The following SLC1A2 variants were observed in gnomAD, a reference collection of about 807,000 sequenced individuals.
SLC1A2 encodes the protein excitatory amino acid transporter 2.
In SLC1A2, 15 loss-of-function variants were observed where a neutral mutation model predicts 48.8. That is an observed-to-expected ratio of 0.31 (90% CI 0.21 to 0.47). The LOEUF (loss-of-function observed/expected upper bound fraction) is 0.47. Ranked by LOEUF, SLC1A2 falls within the 20% of genes least tolerant of loss-of-function variation. SLC1A2 has a pLI of 0.99. For synonymous variants in SLC1A2, 279 were observed against 272.6 expected (o/e 1.02, Z -0.23); for missense variants, 502 against 730.5 (o/e 0.69, Z 3.61).
intron 1 of SLC1A2, among the ~76,000 whole-genome samples, chr11:35,338,291 G>T: frequency 6.6e-6 from 1 of 152,052 alleles, no homozygotes. Context: ...CCTTCTTTTA[G>T]ACCCTACATA....
chr11:35,397,309 TG>T (rs1479906085), intron 1 of SLC1A2, among the ~76,000 whole-genome samples: 2 of 145,416 alleles, frequency 1.4e-5, no homozygotes, highest in Admixed American at 1.4e-4. Flanking sequence ...CAAAACAGCA[TG>T]GTACTGGTAC....
intron 1 of SLC1A2, among the ~76,000 whole-genome samples, chr11:35,401,842 G>A (rs1247627712): frequency 6.6e-6 from 1 of 152,114 alleles, no homozygotes; most frequent in Non-Finnish European, 1.5e-5. Context: ...TAGACCCTCA[G>A]TGTTAAAGGA....
At chr11:35,353,875 G>C (rs1037715518) in intron 1 of SLC1A2, among the ~76,000 whole-genome samples, 3 of 152,200 alleles carry the variant, frequency 2.0e-5, no homozygotes, top group South Asian at 2.1e-4. Flanking sequence ...TTGAAAGGAT[G>C]TTAAGTGAAT....
In SLC1A2 at chr11:35,415,258, T is replaced by C. The variant is rs562849980; in HGVS notation, c.17+3692A>G. On this transcript the variant is annotated intron_variant, in intron 1 of 10. Transcript: ENST00000278379. ...GAGGAAAAGAAGTGGCCATTGATAC[T>C]GATGAACAGATTTGTCTTTTGGTTT... is the stretch of plus-strand genomic sequence containing the variant. 5.8e-4 allele frequency among the ~76,000 whole-genome samples: 88 copies of C among 152,368 alleles called. 1 individual carries two copies. The highest frequency in any genetic ancestry group is 5.3e-3 in the Admixed American group (81 of 15,310).
intron 1 of SLC1A2, among the ~76,000 whole-genome samples, chr11:35,326,094 G>A (rs1852240576): frequency 6.6e-6 from 1 of 152,118 alleles, no homozygotes; most frequent in South Asian, 2.1e-4. Context: ...CCTGACCAAG[G>A]ATGGTGGCCT....
chr11:35,285,307 A>G (rs1030371119), intron 8 of SLC1A2: 2 of 152,228 alleles, frequency 1.3e-5, no homozygotes, highest in African/African-American at 4.8e-5. Context: ...CCTCTGTAAA[A>G]TGGGAATAAT....
intron 1 of SLC1A2, among the ~76,000 whole-genome samples, chr11:35,407,119 T>C (rs1855322331): frequency 6.6e-6 from 1 of 151,202 alleles, no homozygotes; most frequent in Non-Finnish European, 1.5e-5. Flanking sequence ...ACTACTAAAA[T>C]ACATCCAACT....
Position 35,393,391 on chromosome 11 carries a change from G to T in SLC1A2, c.17+25559C>A, listed in dbSNP as rs576050123. On this transcript the variant is annotated intron_variant, in intron 1 of 10. Coordinates refer to ENST00000278379, the MANE Select transcript of SLC1A2 (RefSeq NM_004171.4). ...GGAGACTCTCCTGATTTCTAAAGCT[G>T]CCACTTTGAAGACACAGGCCAGCCC... 3.3e-5 allele frequency among the ~76,000 whole-genome samples: 5 copies of T among 152,272 alleles called. No individual in the cohort carries two copies. The South Asian group carries it at 1.0e-3, about 32-fold the overall frequency.
chr11:35,397,800 C>T (rs895124096), intron 1 of SLC1A2, among the ~76,000 whole-genome samples: 4 of 152,154 alleles, frequency 2.6e-5, no homozygotes, highest in Non-Finnish European at 5.9e-5. Context: ...GAAGTGGGCA[C>T]TCACTAGACA....
intron 1 of SLC1A2, chr11:35,380,440 T>C: frequency 2.5e-6 from 1 of 398,626 alleles, no homozygotes; most frequent in Non-Finnish European, 4.4e-6. Flanking sequence ...TTATTCTAGG[T>C]GATCTCTTGT....
intron 6 of SLC1A2, among the ~76,000 whole-genome samples, chr11:35,300,155 A>G (rs577586507): frequency 6.6e-6 from 1 of 152,348 alleles, no homozygotes; most frequent in African/African-American, 2.4e-5. Flanking sequence ...TAAAGGGGAA[A>G]CAATATTGCT....
chr11:35,306,197 C>G lies in SLC1A2; in HGVS notation c.607G>C (p.Glu203Gln). The G allele has an allele frequency of 6.2e-7, 1 of 1,613,900 alleles. No homozygotes were observed. Among genetic ancestry groups the G allele is most frequent in the Non-Finnish European group, 8.5e-7 (1 of 1,179,914 alleles). The change falls in exon 5 of 11, where the codon GAG becomes CAG. Residue 203 changes from glutamate (E) to glutamine (Q), a missense_variant. Physicochemically the swap from Glu to Gln is conservative, Grantham distance 29. This residue lies in a region of SLC1A2 where 309 missense variants were observed against 480.3 expected (regional missense o/e 0.64). Coordinates refer to ENST00000278379, the MANE Select transcript of SLC1A2 (RefSeq NM_004171.4). ...ACAGCGCTGGTTGCGTTGGCCTCCTCGTCCGGCGGTGGTGCAACCAGGACT... is the reference window on the plus strand; with the variant it reads ...ACAGCGCTGGTTGCGTTGGCCTCCTGGTCCGGCGGTGGTGCAACCAGGACT... ...KKVLVAPPPD[E>Q]EANATSAVVS...
rs535297731 is a variant in SLC1A2, at chr11:35,256,529, C to T, written c.*4365G>A. On this transcript the variant is annotated 3_prime_UTR_variant, in exon 11 of 11. Transcript: ENST00000278379. The stretch of plus-strand genomic sequence containing the variant: ...CACTCAGTGATCCCTCTAGGCTTAA[C>T]CAGAAATTACTACAGATACTGAGAC... The T allele has an allele frequency of 6.6e-6, 1 of 152,646 alleles. No individual in the cohort carries two copies. The highest frequency in any genetic ancestry group is 2.1e-4 in the South Asian group (1 of 4,812). 9.5% of individuals were successfully genotyped at this position (152,646 alleles called of 1,614,324 possible).
intron 9 of SLC1A2, among the ~76,000 whole-genome samples, chr11:35,275,441 A>G (rs1850412958): frequency 7.4e-6 from 1 of 135,024 alleles, no homozygotes; most frequent in African/African-American, 2.5e-5. Flanking sequence ...CTGGGGTGTC[A>G]GCAAGGTCTC....
chr11:35,361,061 A>G (rs567777062), intron 1 of SLC1A2, among the ~76,000 whole-genome samples: 20 of 152,056 alleles, frequency 1.3e-4, no homozygotes, highest in Non-Finnish European at 2.5e-4. Context: ...TGTTTAGTAG[A>G]GATGGGGTTT....
intron 3 of SLC1A2, among the ~76,000 whole-genome samples, chr11:35,314,486 G>A (rs1020774491): frequency 2.0e-5 from 3 of 152,100 alleles, no homozygotes; most frequent in Admixed American, 6.5e-5. Flanking sequence ...AGGCTGAGGC[G>A]GGTGGATCAT....
intron 1 of SLC1A2, among the ~76,000 whole-genome samples, chr11:35,414,893 A>G (rs1283658637): frequency 1.3e-5 from 2 of 152,262 alleles, no homozygotes; most frequent in African/African-American, 4.8e-5. Flanking sequence ...AGCCAGTCCA[A>G]TGGGAGAAAA....
At chr11:35,280,736 G>A (rs879568387) in intron 9 of SLC1A2, 131 bp downstream of exon 9, 16 of 583,896 alleles carry the variant, frequency 2.7e-5, no homozygotes, top group African/African-American at 3.8e-5. Context: ...AAATGTGAGC[G>A]GGAAGGAGGA....
rs567172078 is a variant in SLC1A2 at position 35,360,980 on chromosome 11, A to C, written c.18-43464T>G. On this transcript the variant is annotated intron_variant, in intron 1 of 10. Transcript: ENST00000278379. ...AACGTCCACCTCCCGGGCTCAAGTG[A>C]TTTTCCTGTCTCAGCCTCCTGAGTA... Among the ~76,000 whole-genome samples the C allele has an allele frequency of 2.0e-5, 3 of 151,924 alleles. No individual in the cohort carries two copies. The South Asian group carries it at 6.2e-4, about 32-fold the overall frequency.
Sources: gnomAD v4.1 joint callset for allele counts (sites outside exome capture counted in the v4.1 genomes callset) on GRCh38, gnomAD v4.1.1 for gene constraint, gnomAD v4.1.1 regional missense constraint, MANE v1.5 for transcripts, NCBI Gene and HGNC (gene_info 2026-07-23, HGNC 2026-07-21) for gene names.